Variants in DEDD2 observed in about 807,000 individuals in gnomAD.
The protein encoded by DEDD2 is DNA-binding death effector domain-containing protein 2.
A neutral mutation model predicts 28.9 loss-of-function variants in DEDD2; 18 were observed. That is an observed-to-expected ratio of 0.62 (90% CI 0.43 to 0.92). The LOEUF (loss-of-function observed/expected upper bound fraction) is 0.92, where lower values mean the gene tolerates loss of function less well. Ranked by LOEUF, DEDD2 falls within the 40% of genes least tolerant of loss-of-function variation. The probability of loss-of-function intolerance (pLI) is 0.00; values close to 1 mark genes in which losing one functional copy is unlikely to be tolerated. For synonymous variants in DEDD2, 211 were observed against 206.1 expected, an observed-to-expected ratio of 1.02 and a Z score of -0.20; for missense variants, 411 against 463.3, an observed-to-expected ratio of 0.89 and a Z score of 1.04.
At chr19:42,204,324 G>A (rs2035444440) in intron 4 of DEDD2, 1 of 152,238 alleles carries the variant, frequency 6.6e-6, no homozygotes, top group African/African-American at 2.4e-5. Context: ...CAACATTGTA[G>A]GTGGAACCTC....
chr19:42,219,261 G>A (rs1211917819), upstream of DEDD2, among the ~76,000 whole-genome samples: 2 of 151,282 alleles, frequency 1.3e-5, no homozygotes, highest in Non-Finnish European at 2.9e-5. Flanking sequence ...CCGAGATTGC[G>A]CCATTGCACT....
chr19:42,209,217 A>T (rs1025743993), intron 4 of DEDD2, among the ~76,000 whole-genome samples: 2 of 151,908 alleles, frequency 1.3e-5, no homozygotes, highest in Non-Finnish European at 2.9e-5. Flanking sequence ...CTCCAGCCTG[A>T]GAGACAGAGG....
At chr19:42,208,414 A>G (rs941140476) in intron 4 of DEDD2, among the ~76,000 whole-genome samples, 1 of 152,182 alleles carries the variant, frequency 6.6e-6, no homozygotes, top group African/African-American at 2.4e-5. Flanking sequence ...AGCCTCTTCA[A>G]GCGATTAATT....
chr19:42,207,133 C>T (rs994809354), intron 4 of DEDD2, among the ~76,000 whole-genome samples: 1 of 152,164 alleles, frequency 6.6e-6, no homozygotes, highest in African/African-American at 2.4e-5. Context: ...GGGGAGTCAC[C>T]ACCAGGCAAC....
upstream of DEDD2, among the ~76,000 whole-genome samples, chr19:42,218,931 A>G (rs745774043): frequency 5.7e-4 from 87 of 152,284 alleles, 1 homozygote; most frequent in African/African-American, 1.6e-3. Flanking sequence ...AGACAAGAGA[A>G]TCTCTTGAAC....
At chr19:42,210,274 A>G (rs540304096) in intron 3 of DEDD2, among the ~76,000 whole-genome samples, 2 of 152,308 alleles carry the variant, frequency 1.3e-5, no homozygotes, top group East Asian at 3.9e-4. Flanking sequence ...TACTTTGCAT[A>G]AGGAGGGAAA....
At chr19:42,219,056 G>A (rs2036079565), upstream of DEDD2, among the ~76,000 whole-genome samples, 1 of 152,180 alleles carries the variant, frequency 6.6e-6, no homozygotes, top group Non-Finnish European at 1.5e-5. Flanking sequence ...TGCATTCCCA[G>A]CACTTTGGGA....
At chr19:42,214,514 C>T (rs905285013) in intron 3 of DEDD2, among the ~76,000 whole-genome samples, 8 of 152,074 alleles carry the variant, frequency 5.3e-5, no homozygotes, top group Non-Finnish European at 1.0e-4. Flanking sequence ...TGTAATCCAG[C>T]ACTTTGGGAG....
chr19:42,206,536 G>A (rs552708233), intron 4 of DEDD2, among the ~76,000 whole-genome samples: 1 of 152,316 alleles, frequency 6.6e-6, no homozygotes, highest in Admixed American at 6.5e-5. Flanking sequence ...ACTCAGACTA[G>A]TGACCGCCTT....
At chr19:42,206,238 G>T (rs1367137034) in intron 4 of DEDD2, among the ~76,000 whole-genome samples, 1 of 151,236 alleles carries the variant, frequency 6.6e-6, no homozygotes, top group Non-Finnish European at 1.5e-5. Flanking sequence ...CCTCCTAGGG[G>T]TCTCCACCCT....
At chr19:42,209,600 G>C (rs551284185) in intron 4 of DEDD2, 100 bp downstream of exon 4, 3 of 1,456,234 alleles carry the variant, frequency 2.1e-6, no homozygotes, top group Admixed American at 4.8e-5. Flanking sequence ...ACACCCATCT[G>C]CCAAGTGTGT....
chr19:42,201,571 G>A (rs2035332825), intron 4 of DEDD2: 1 of 156,336 alleles, frequency 6.4e-6, no homozygotes, highest in Admixed American at 6.5e-5. Flanking sequence ...ACAAGGCTCT[G>A]GGAGGGAATG....
At chr19:42,215,549 A>G (rs563804290) in intron 2 of DEDD2, among the ~76,000 whole-genome samples, 3 of 152,286 alleles carry the variant, frequency 2.0e-5, no homozygotes, top group Admixed American at 6.5e-5. Context: ...AACTGCCCCC[A>G]GCTCTCCCCA....
chr19:42,216,762 G>T lies in DEDD2; in HGVS notation c.246C>A (p.Asn82Lys). Reference sequence around the variant, plus strand: ...GCAGGAGTTGCCCCAGCAGCCGCAGGTTGCTCTCGTCGCACTGCCCGCGGC... The same window carrying T: ...GCAGGAGTTGCCCCAGCAGCCGCAGTTTGCTCTCGTCGCACTGCCCGCGGC... Reference protein sequence around the residue: ...LERRGQCDESNLRLLGQLLRV... With the variant: ...LERRGQCDESKLRLLGQLLRV... The change falls in exon 2 of 5, where the codon AAC (asparagine) becomes AAA (lysine). Residue 82 changes from asparagine to lysine, a missense_variant. Physicochemically the swap from Asn to Lys is moderately conservative, Grantham distance 94 (BLOSUM62 0). This residue lies in a region of DEDD2 where 282 missense variants were observed against 273.4 expected (regional missense o/e 1.03). Coordinates refer to ENST00000596251, the MANE Select transcript of DEDD2 (RefSeq NM_133328.4). The T allele has an allele frequency of 6.3e-7, 1 of 1,593,298 alleles. No homozygotes were observed. Among genetic ancestry groups the T allele is most frequent in the Non-Finnish European group, 8.5e-7 (1 of 1,170,728 alleles).
chr19:42,205,401 G>A lies in DEDD2; in HGVS notation c.589+4299C>T, dbSNP rs372755682. Among the ~76,000 whole-genome samples the A allele has an allele frequency of 7.2e-5, 11 of 151,776 alleles. No homozygotes were observed. The South Asian group carries it at 1.3e-3, about 17-fold the overall frequency. Reference sequence around the variant, plus strand: ...TCCCAACACTTTGGGAGGCCCAGGCGGGTGGATCACCTGAGGTCGGGAGTT... The same window carrying A: ...TCCCAACACTTTGGGAGGCCCAGGCAGGTGGATCACCTGAGGTCGGGAGTT... On this transcript the variant is annotated intron_variant, in intron 4 of 4. Coordinates refer to ENST00000596251, the MANE Select transcript of DEDD2 (RefSeq NM_133328.4).
Position 42,199,390 on chromosome 19 carries a change from A to G in DEDD2, c.*48T>C, listed in dbSNP as rs752767553. On this transcript the variant is annotated 3_prime_UTR_variant, in exon 5 of 5. Transcript: ENST00000596251. This position sits in a 1 kb window ranked among gnomAD's most constrained non-coding sequence, Gnocchi z 7.4. Reference sequence around the variant, plus strand: ...GTAGAGATGGTCGTCCTCCCAGGAGAAGGTGGCCCGGAGACTTGGAGGTGG... The same window carrying G: ...GTAGAGATGGTCGTCCTCCCAGGAGGAGGTGGCCCGGAGACTTGGAGGTGG... 2.7e-6 allele frequency: 4 copies of G among 1,506,502 alleles called. No homozygotes were observed. Among genetic ancestry groups the G allele is most frequent in the Admixed American group, 2.2e-5 (1 of 44,952 alleles). 93.3% of individuals were successfully genotyped at this position (1,506,502 alleles called of 1,614,324 possible).
chr19:42,208,294 G>C (rs2035613727), intron 4 of DEDD2, among the ~76,000 whole-genome samples: 1 of 140,710 alleles, frequency 7.1e-6, no homozygotes, highest in African/African-American at 2.6e-5. Flanking sequence ...CGTGTCTACA[G>C]TCAGCCCTAT....
intron 4 of DEDD2, among the ~76,000 whole-genome samples, chr19:42,203,369 G>A (rs2035407006): frequency 6.6e-6 from 1 of 152,170 alleles, no homozygotes; most frequent in African/African-American, 2.4e-5. Context: ...GGTTTAGAAA[G>A]AAAAACAGGA....
chr19:42,213,173 G>A (rs190969028), intron 3 of DEDD2, among the ~76,000 whole-genome samples: 1 of 152,300 alleles, frequency 6.6e-6, no homozygotes, highest in East Asian at 1.9e-4. Flanking sequence ...TGGAACTGCA[G>A]GAAGACTGAC....
Sources: allele counts gnomAD v4.1 joint callset (sites outside exome capture counted in the v4.1 genomes callset), GRCh38; gene constraint gnomAD v4.1.1; regional missense constraint gnomAD v4.1.1; non-coding constraint Gnocchi (gnomAD v3.1); transcripts MANE v1.5; gene names NCBI Gene and HGNC (gene_info 2026-07-23, HGNC 2026-07-21).